The following GRIK5 variants were observed in gnomAD, a reference collection of about 807,000 sequenced individuals.
GRIK5 encodes glutamate receptor ionotropic, kainate 5.
In GRIK5, 43 loss-of-function variants were observed where a neutral mutation model predicts 97.4. The ratio of observed to expected loss-of-function variants is 0.44; its 90% CI spans 0.35 to 0.57. The LOEUF is 0.57. Ranked by LOEUF, GRIK5 falls within the 20% of genes least tolerant of loss-of-function variation. The pLI, the probability that GRIK5 is intolerant of heterozygous loss-of-function variation, is 0.01. For synonymous variants in GRIK5, 580 were observed against 583.5 expected, an observed-to-expected ratio of 0.99 and a Z score of 0.09; for missense variants, 1,015 against 1,382.0, an observed-to-expected ratio of 0.73 and a Z score of 4.21.
chr19:42,031,468 C>A (rs2075840238), intron 12 of GRIK5, among the ~76,000 whole-genome samples: 1 of 152,166 alleles, frequency 6.6e-6, no homozygotes, highest in South Asian at 2.1e-4. Flanking sequence ...AGTTATACAA[C>A]CAAGAACTGG....
At chr19:42,004,291 A>T (rs1406804708) in intron 17 of GRIK5, among the ~76,000 whole-genome samples, 2 of 151,982 alleles carry the variant, frequency 1.3e-5, no homozygotes, top group Non-Finnish European at 1.5e-5. Context: ...CACCAGACGA[A>T]TCCCCATCCA....
At chr19:42,026,662 G>A (rs540030987) in intron 12 of GRIK5, among the ~76,000 whole-genome samples, 8 of 151,710 alleles carry the variant, frequency 5.3e-5, no homozygotes, top group South Asian at 4.2e-4. Flanking sequence ...TCCACCTCCC[G>A]GGCTCAAGCA....
In GRIK5 at chr19:42,002,235, AC is replaced by A; in HGVS notation, c.2514+1096del. ...AGAAGAAACTGGAAGCATCAGGGAG[AC>A]CCCCCACTGCTGCCAAGGCTGTAAA... On this transcript the variant is annotated intron_variant, in intron 19 of 19. Coordinates refer to ENST00000593562, the MANE Select transcript of GRIK5 (RefSeq NM_002088.5). This position sits in a 1 kb window ranked among gnomAD's most constrained non-coding sequence, Gnocchi z 5.2. 1 of 716,754 alleles carries A rather than the reference AC, an allele frequency of 1.4e-6. No homozygotes were observed. The highest frequency in any genetic ancestry group is 2.6e-6 in the Non-Finnish European group (1 of 384,978). 44.4% of individuals were successfully genotyped at this position (716,754 alleles called of 1,614,324 possible). A position where few individuals can be genotyped will look rare whatever the true frequency, so the allele number is the denominator to read the frequency against.
At chr19:42,063,232 C>G (rs2076284621) in intron 3 of GRIK5, 1 of 464,688 alleles carries the variant, frequency 2.2e-6, no homozygotes, top group South Asian at 1.5e-5. Flanking sequence ...CACCTCCTCC[C>G]CTGACCCCAC....
rs1555872841 is a variant in GRIK5 at position 42,006,831 on chromosome 19, G to A, written c.1872-21C>T. ...CCCACCTGAAGGGTGGGAGGGGTGA[G>A]TCACGGGCTGGAGTCACCCCTGCTG... On this transcript the variant is annotated intron_variant, in intron 15 of 19. Transcript: ENST00000593562. This position sits in a 1 kb window ranked among gnomAD's most constrained non-coding sequence, Gnocchi z 5.3. 6.4e-7 allele frequency: 1 copy of A among 1,567,466 alleles called. No homozygotes were observed. Among genetic ancestry groups the A allele is most frequent in the South Asian group, 1.2e-5 (1 of 85,120 alleles).
At chr19:42,067,953 G>C (rs906583873) in intron 1 of GRIK5, among the ~76,000 whole-genome samples, 1 of 152,192 alleles carries the variant, frequency 6.6e-6, no homozygotes, top group Non-Finnish European at 1.5e-5. Flanking sequence ...ATCAGCAAAG[G>C]TGAGAGGCAA....
At chr19:42,047,084 C>T (rs2076052146) in intron 11 of GRIK5, among the ~76,000 whole-genome samples, 1 of 151,872 alleles carries the variant, frequency 6.6e-6, no homozygotes, top group African/African-American at 2.4e-5. Flanking sequence ...GACAGGGTTT[C>T]ATCATGTTGC....
intron 12 of GRIK5, among the ~76,000 whole-genome samples, chr19:42,036,672 A>G (rs572065226): frequency 6.6e-6 from 1 of 152,322 alleles, no homozygotes; most frequent in South Asian, 2.1e-4. Context: ...TGCGTCTTCT[A>G]TCAGATGAAG....
chr19:42,013,448 C>T (rs1369854289), intron 15 of GRIK5, among the ~76,000 whole-genome samples: 5 of 113,688 alleles, frequency 4.4e-5, no homozygotes, highest in South Asian at 2.7e-4. Flanking sequence ...CTTGCTCTGT[C>T]GCCCAGGCTG....
chr19:42,037,584 G>A (rs187251903), intron 12 of GRIK5, among the ~76,000 whole-genome samples: 1 of 152,288 alleles, frequency 6.6e-6, no homozygotes, highest in African/African-American at 2.4e-5. Flanking sequence ...TGGGAGCACT[G>A]GGGACCTGAA....
intron 12 of GRIK5, among the ~76,000 whole-genome samples, chr19:42,035,383 G>C (rs868734755): frequency 6.6e-6 from 1 of 152,272 alleles, no homozygotes. Flanking sequence ...AGTAAGTATA[G>C]TAAGATATCA....
Position 41,999,397 on chromosome 19 carries a change from CG to C in GRIK5, c.2515-99del, listed in dbSNP as rs1568874659. The stretch of plus-strand genomic sequence containing the variant: ...CACTCCTCCTCCTCCTTTCCTCGCC[CG>C]GGTCTTTCTTCCTTCTGCCCTCGCT... On this transcript the variant is annotated intron_variant, in intron 19 of 19. Transcript: ENST00000593562. The surrounding 1 kb of genome is among the most constrained non-coding windows in gnomAD (Gnocchi z 5.0). 14 of 934,764 alleles carry C rather than the reference CG, an allele frequency of 1.5e-5. No individual in the cohort carries two copies. The highest frequency in any genetic ancestry group is 7.1e-5 in the African/African-American group (4 of 56,682). The allele number at this position is 934,764 out of a possible 1,614,324, so 57.9% of individuals were successfully genotyped here.
At chr19:42,058,548 C>T (rs1459079220) in intron 6 of GRIK5, among the ~76,000 whole-genome samples, 1 of 149,264 alleles carries the variant, frequency 6.7e-6, no homozygotes, top group Non-Finnish European at 1.5e-5. Flanking sequence ...TGGTTATTGG[C>T]CGGGTGTGGT....
At position 42,021,327 on chromosome 19, in the gene GRIK5, C is replaced by T. The variant is rs2075693727; in HGVS notation, c.1845G>A (p.Leu615=). ...QQGSEIMPRA[L]STRCVSGVWW... Reference sequence around the variant, plus strand: ...AGACTCCGCTGACACAGCGCGTGGACAGCGCCCGGGGCATGATCTCCGAGC... The same window carrying T: ...AGACTCCGCTGACACAGCGCGTGGATAGCGCCCGGGGCATGATCTCCGAGC... The change falls in exon 15 of 20, where the codon CTG becomes CTA. Residue 615 remains leucine (L), a synonymous_variant. Transcript: ENST00000593562. This position sits in a 1 kb window ranked among gnomAD's most constrained non-coding sequence, Gnocchi z 4.2. 1.2e-6 allele frequency: 2 copies of T among 1,613,262 alleles called. No individual in the cohort carries two copies. Among genetic ancestry groups the T allele is most frequent in the Non-Finnish European group, 1.7e-6 (2 of 1,179,946 alleles).
intron 3 of GRIK5, chr19:42,063,564 G>C (rs530866394): frequency 6.1e-6 from 2 of 326,940 alleles, no homozygotes; most frequent in African/African-American, 2.2e-5. Context: ...TCAGACCATG[G>C]AGCACCTTCC....
Position 42,002,653 on chromosome 19 carries a change from A to G in GRIK5, c.2514+679T>C. 1 of 618,370 alleles carries G rather than the reference A, an allele frequency of 1.6e-6. No homozygotes were observed. Among genetic ancestry groups the G allele is most frequent in the Non-Finnish European group, 2.9e-6 (1 of 344,218 alleles). The allele number at this position is 618,370 out of a possible 1,614,324, so 38.3% of individuals were successfully genotyped here. A position where few individuals can be genotyped will look rare whatever the true frequency, so the allele number is the denominator to read the frequency against. On this transcript the variant is annotated intron_variant, in intron 19 of 19. Coordinates refer to ENST00000593562, the MANE Select transcript of GRIK5 (RefSeq NM_002088.5). The surrounding 1 kb of genome is among the most constrained non-coding windows in gnomAD (Gnocchi z 5.2). Reference sequence around the variant, plus strand: ...GGAACCAGCAGTCCAGGGGTGCAAGAGCACGAATGGGTCTGGAAATGCAGG... The same window carrying G: ...GGAACCAGCAGTCCAGGGGTGCAAGGGCACGAATGGGTCTGGAAATGCAGG...
At position 41,998,369 on chromosome 19, in the gene GRIK5, C is replaced by G. The variant is rs998805761; in HGVS notation, c.*502G>C. On this transcript the variant is annotated 3_prime_UTR_variant, in exon 20 of 20. Coordinates refer to ENST00000593562, the MANE Select transcript of GRIK5 (RefSeq NM_002088.5). ...TATTCCAACAGGGGCTGCGATGTGG[C>G]AAGGGGAGGGATGGGGGCCCAACTG... is the stretch of plus-strand genomic sequence containing the variant. 1 of 152,134 alleles carries G rather than the reference C, an allele frequency of 6.6e-6. No homozygotes were observed. The highest frequency in any genetic ancestry group is 1.5e-5 in the Non-Finnish European group (1 of 67,936). 9.4% of individuals were successfully genotyped at this position (152,134 alleles called of 1,614,324 possible). A position where few individuals can be genotyped will look rare whatever the true frequency, so the allele number is the denominator to read the frequency against.
At chr19:42,011,172 T>A (rs559812914) in intron 15 of GRIK5, among the ~76,000 whole-genome samples, 1 of 151,900 alleles carries the variant, frequency 6.6e-6, no homozygotes, top group Non-Finnish European at 1.5e-5. Context: ...TCATAAGATA[T>A]GCAGAGCTCA....
At chr19:42,020,705 A>G (rs2075685602) in intron 15 of GRIK5, among the ~76,000 whole-genome samples, 1 of 152,016 alleles carries the variant, frequency 6.6e-6, no homozygotes, top group African/African-American at 2.4e-5. Flanking sequence ...TCACTGCTAC[A>G]CTCCCACCAG....
Sources: gnomAD v4.1 joint callset for allele counts (sites outside exome capture counted in the v4.1 genomes callset) on GRCh38, gnomAD v4.1.1 for gene constraint, Gnocchi (gnomAD v3.1) non-coding constraint, MANE v1.5 for transcripts, NCBI Gene and HGNC (gene_info 2026-07-23, HGNC 2026-07-21) for gene names.